The following SYNPR variants were observed in gnomAD, a reference collection of about 807,000 sequenced individuals.
SYNPR encodes synaptoporin.
A neutral mutation model predicts 32.9 loss-of-function variants in SYNPR; 23 were observed. The observed-to-expected ratio is 0.70, with a 90% confidence interval of 0.50 to 0.99. The LOEUF (loss-of-function observed/expected upper bound fraction) is 0.99, where lower values mean the gene tolerates loss of function less well. SYNPR is among the 50% of genes least tolerant of loss of function. The pLI, the probability that SYNPR is intolerant of heterozygous loss-of-function variation, is 0.00. For synonymous variants in SYNPR, 146 were observed against 135.9 expected (o/e 1.07, Z -0.52); for missense variants, 318 against 349.3 (o/e 0.91, Z 0.71).
At chr3:63,422,969 A>C (rs1198319289) in intron 2 of SYNPR, among the ~76,000 whole-genome samples, 3 of 152,234 alleles carry the variant, frequency 2.0e-5, no homozygotes, top group Non-Finnish European at 4.4e-5. Flanking sequence ...TTAAAAATGA[A>C]TAAAGTGGTC....
chr3:63,266,135 A>G (rs2086483523), intron 2 of SYNPR, among the ~76,000 whole-genome samples: 1 of 152,206 alleles, frequency 6.6e-6, no homozygotes, highest in Non-Finnish European at 1.5e-5. Context: ...AATAATACTC[A>G]TTGCTGATGT....
intron 2 of SYNPR, among the ~76,000 whole-genome samples, chr3:63,295,680 A>G (rs943331844): frequency 2.0e-5 from 3 of 152,194 alleles, no homozygotes; most frequent in African/African-American, 7.2e-5. Context: ...TTTTCTTATA[A>G]ATATACTTGA....
At chr3:63,219,370 C>G in the SYNPR span, among the ~76,000 whole-genome samples, 1 of 152,214 alleles carries the variant, frequency 6.6e-6, no homozygotes, top group Non-Finnish European at 1.5e-5. Context: ...GGTGGGGCAG[C>G]TGTCATCAGG....
chr3:63,443,325 T>A (rs1033622310), intron 2 of SYNPR: 1 of 1,514,402 alleles, frequency 6.6e-7, no homozygotes, highest in African/African-American at 1.4e-5. Flanking sequence ...CTTCTCCTCC[T>A]TTGCTTCATA....
intron 2 of SYNPR, among the ~76,000 whole-genome samples, chr3:63,415,806 G>C (rs981190585): frequency 6.6e-6 from 1 of 152,136 alleles, no homozygotes; most frequent in Non-Finnish European, 1.5e-5. Context: ...CCCTTTCCCT[G>C]CAGCAAATTG....
chr3:63,610,558 G>A (rs1700184023), intron 5 of SYNPR: 1 of 689,156 alleles, frequency 1.5e-6, no homozygotes, highest in African/African-American at 1.8e-5. Flanking sequence ...GCTTTGGTGA[G>A]ATAGTAACCA....
chr3:63,435,246 A>G (rs539359591), intron 2 of SYNPR, among the ~76,000 whole-genome samples: 2 of 152,222 alleles, frequency 1.3e-5, no homozygotes, highest in South Asian at 4.1e-4. Context: ...AACTTACTGA[A>G]CCGCACTAAA....
intron 3 of SYNPR, among the ~76,000 whole-genome samples, chr3:63,524,830 T>C: frequency 7.9e-6 from 1 of 126,032 alleles, no homozygotes; most frequent in African/African-American, 3.3e-5. Flanking sequence ...TAGAAGTGTG[T>C]GTGTGTGTGT....
intron 3 of SYNPR, among the ~76,000 whole-genome samples, chr3:63,535,024 G>GTT (rs1446189463): frequency 1.3e-5 from 2 of 152,118 alleles, no homozygotes; most frequent in East Asian, 3.9e-4. Context: ...AGAACCCAAT[G>GTT]AGAGTAGTTA....
At chr3:63,423,073 G>A (rs1022312964) in intron 2 of SYNPR, among the ~76,000 whole-genome samples, 14 of 152,224 alleles carry the variant, frequency 9.2e-5, no homozygotes, top group Non-Finnish European at 1.3e-4. Context: ...GAATAAAAGT[G>A]CAAAATATTG....
Position 63,427,440 on chromosome 3 carries a change from A to G in SYNPR, c.85-53392A>G, listed in dbSNP as rs572417372. 4.6e-5 allele frequency: 7 copies of G among 152,330 alleles called. No homozygotes were observed. The South Asian group carries it at 1.2e-3, about 27-fold the overall frequency. 9.4% of individuals were successfully genotyped at this position (152,330 alleles called of 1,614,324 possible). A position where few individuals can be genotyped will look rare whatever the true frequency, so the allele number is the denominator to read the frequency against. ...GATGAGAGAGAGACTGACCTTGGGA[A>G]GAAAAGTACATACTTAGAACAAGGG... On this transcript the variant is annotated intron_variant, in intron 2 of 5. Transcript: ENST00000478300.
At chr3:63,444,527 G>T (rs1700237665) in intron 2 of SYNPR, among the ~76,000 whole-genome samples, 1 of 152,130 alleles carries the variant, frequency 6.6e-6, no homozygotes, top group Non-Finnish European at 1.5e-5. Flanking sequence ...AAGGCACCAT[G>T]GCATGTGAAG....
chr3:63,465,248 C>A (rs1700654794), intron 2 of SYNPR, among the ~76,000 whole-genome samples: 1 of 151,962 alleles, frequency 6.6e-6, no homozygotes, highest in Non-Finnish European at 1.5e-5. Context: ...TGAGGCAGAA[C>A]TAAATGGGTC....
At chr3:63,546,286 C>G (rs1423498730) in intron 3 of SYNPR, among the ~76,000 whole-genome samples, 1 of 152,132 alleles carries the variant, frequency 6.6e-6, no homozygotes, top group East Asian at 1.9e-4. Flanking sequence ...TACTCCAGAT[C>G]ATACCTTGGC....
At chr3:63,419,956 T>G (rs888580112) in intron 2 of SYNPR, among the ~76,000 whole-genome samples, 2 of 152,220 alleles carry the variant, frequency 1.3e-5, no homozygotes, top group African/African-American at 4.8e-5. Flanking sequence ...GGGAAATAGC[T>G]ATGATGGTTT....
rs964029122 is a variant in SYNPR at position 63,567,089 on chromosome 3, G to A, written c.408+10348G>A. Among the ~76,000 whole-genome samples, 5 of 152,158 alleles carry A rather than the reference G, an allele frequency of 3.3e-5. No homozygotes were observed. The South Asian group carries it at 1.0e-3, about 32-fold the overall frequency. On this transcript the variant is annotated intron_variant, in intron 4 of 5. Coordinates refer to ENST00000478300, the MANE Select transcript of SYNPR (RefSeq NM_001130003.2). ...TTTGTTCTCTGAGCCTCCCAACTCA[G>A]CATAAGCTGCTGTCATTATAGACAA... is the stretch of plus-strand genomic sequence containing the variant.
the SYNPR span, among the ~76,000 whole-genome samples, chr3:63,219,808 G>A: frequency 6.6e-6 from 1 of 152,140 alleles, no homozygotes; most frequent in African/African-American, 2.4e-5. Flanking sequence ...AGGAGGAAGG[G>A]CAGGCGTTTG....
chr3:63,497,270 C>A lies in SYNPR; in HGVS notation c.209+16314C>A, dbSNP rs1308875699. On this transcript the variant is annotated intron_variant, in intron 3 of 5. Transcript: ENST00000478300. ...TACATCATGGTGCTCATCTTAACAACCCTCATTAAATGTTGGCATTGAGAA... is the reference window on the plus strand; with the variant it reads ...TACATCATGGTGCTCATCTTAACAAACCTCATTAAATGTTGGCATTGAGAA... Among the ~76,000 whole-genome samples, 7 of 152,124 alleles carry A rather than the reference C, an allele frequency of 4.6e-5. No homozygotes were observed. The East Asian group carries it at 9.6e-4, about 21-fold the overall frequency.
At chr3:63,575,096 G>C (rs973514323) in intron 4 of SYNPR, among the ~76,000 whole-genome samples, 3 of 152,052 alleles carry the variant, frequency 2.0e-5, no homozygotes, top group African/African-American at 7.2e-5. Context: ...CACCCGCATT[G>C]AAGCAGGTGC....
Sources: gnomAD v4.1 joint callset for allele counts (sites outside exome capture counted in the v4.1 genomes callset) on GRCh38, gnomAD v4.1.1 for gene constraint, MANE v1.5 for transcripts, NCBI Gene and HGNC (gene_info 2026-07-23, HGNC 2026-07-21) for gene names.